The following FAT3 variants were observed in gnomAD, a reference collection of about 807,000 sequenced individuals.
FAT3 encodes the protein protocadherin Fat 3.
A neutral mutation model predicts 310.2 loss-of-function variants in FAT3; 95 were observed. The observed-to-expected ratio is 0.31, with a 90% CI of 0.26 to 0.36. The LOEUF (loss-of-function observed/expected upper bound fraction) is 0.36, where lower values mean the gene tolerates loss of function less well. FAT3 is among the 10% of genes least tolerant of loss of function. FAT3 has a pLI of 1.00. For synonymous variants in FAT3, 2,314 were observed against 2,192.9 expected (o/e 1.06, Z -1.54); for missense variants, 5,408 against 5,715.6 (o/e 0.95, Z 1.74).
intron 4 of FAT3, among the ~76,000 whole-genome samples, chr11:92,731,806 G>A (rs1206862756): frequency 6.6e-6 from 1 of 151,954 alleles, no homozygotes; most frequent in Non-Finnish European, 1.5e-5. Flanking sequence ...AAGTTTGTTT[G>A]TTTGCTTGGT....
intron 2 of FAT3, among the ~76,000 whole-genome samples, chr11:92,513,150 C>T: frequency 6.8e-6 from 1 of 148,120 alleles, no homozygotes; most frequent in South Asian, 2.2e-4. Flanking sequence ...TTATCTCCAC[C>T]CACAATTTCT....
rs144118246 is a variant in FAT3, at chr11:92,633,936, G to A, written c.3608-63448G>A. ...CTCTATGTACTGAGAACTGTGCTAAGTGCTGTGGATACAGATATTAAATGA... is the reference window on the plus strand; with the variant it reads ...CTCTATGTACTGAGAACTGTGCTAAATGCTGTGGATACAGATATTAAATGA... On this transcript the variant is annotated intron_variant, in intron 3 of 27. Transcript: ENST00000525166. Among the ~76,000 whole-genome samples the A allele has an allele frequency of 2.5e-3, 376 of 152,302 alleles. 4 individuals carry two copies. Among genetic ancestry groups the A allele is most frequent in the African/African-American group, 8.6e-3 (356 of 41,558 alleles).
chr11:92,619,290 T>G (rs1222359968), intron 3 of FAT3, among the ~76,000 whole-genome samples: 2 of 152,204 alleles, frequency 1.3e-5, no homozygotes, highest in Non-Finnish European at 2.9e-5. Context: ...ATATAACTTT[T>G]GCATATATAT....
chr11:92,345,130 A>G (rs186772187), intron 1 of FAT3, among the ~76,000 whole-genome samples: 280 of 152,182 alleles, frequency 1.8e-3, no homozygotes, highest in African/African-American at 6.3e-3. Flanking sequence ...CAGGGTCTCT[A>G]TGTTTTATGA....
At chr11:92,226,709 G>T (rs544884648) in intron 1 of FAT3, among the ~76,000 whole-genome samples, 30 of 152,088 alleles carry the variant, frequency 2.0e-4, no homozygotes, top group Admixed American at 2.0e-3. Flanking sequence ...GAGCGTGGGC[G>T]GCCGGTGGCT....
intron 1 of FAT3, among the ~76,000 whole-genome samples, chr11:92,235,072 C>CAA (rs757114482): frequency 2.3e-5 from 3 of 127,708 alleles, no homozygotes; most frequent in Admixed American, 8.1e-5. Flanking sequence ...CTCCATCTCT[C>CAA]AAAAAAAAAA....
chr11:92,313,780 G>C (rs1312763008), intron 1 of FAT3, among the ~76,000 whole-genome samples: 2 of 152,180 alleles, frequency 1.3e-5, no homozygotes, highest in Non-Finnish European at 2.9e-5. Context: ...GGCCGGTCTT[G>C]AACTCCTGAC....
At chr11:92,451,658 T>C (rs1341675903) in intron 2 of FAT3, among the ~76,000 whole-genome samples, 1 of 152,180 alleles carries the variant, frequency 6.6e-6, no homozygotes, top group Non-Finnish European at 1.5e-5. Context: ...AATTTAGTAA[T>C]GCACATTCCC....
At chr11:92,452,595 C>A (rs1951388948) in intron 2 of FAT3, among the ~76,000 whole-genome samples, 4 of 151,988 alleles carry the variant, frequency 2.6e-5, no homozygotes, top group Admixed American at 2.6e-4. Flanking sequence ...GGACCACATA[C>A]CCTATAGGGA....
At chr11:92,740,225 T>C (rs906888171) in intron 4 of FAT3, among the ~76,000 whole-genome samples, 1 of 152,222 alleles carries the variant, frequency 6.6e-6, no homozygotes, top group African/African-American at 2.4e-5. Flanking sequence ...AGTCTTTCTT[T>C]TGAAATGCCT....
At chr11:92,878,153 CA>C (rs1272655536) in intron 22 of FAT3, among the ~76,000 whole-genome samples, 1 of 152,146 alleles carries the variant, frequency 6.6e-6, no homozygotes, top group East Asian at 1.9e-4. Context: ...GTTGATTTTG[CA>C]GTCTTGAATT....
At chr11:92,303,601 TAGA>T (rs1441555065) in intron 1 of FAT3, among the ~76,000 whole-genome samples, 8 of 152,168 alleles carry the variant, frequency 5.3e-5, no homozygotes, top group Non-Finnish European at 1.2e-4. Context: ...TTCTTGAGTC[TAGA>T]AGGTCTTTGA....
At chr11:92,658,933 T>TCAC in intron 3 of FAT3, among the ~76,000 whole-genome samples, 1 of 151,692 alleles carries the variant, frequency 6.6e-6, no homozygotes, top group Admixed American at 6.6e-5. Context: ...ATCATCATCA[T>TCAC]CATCATCATC....
At chr11:92,235,070 C>T (rs1432068807) in intron 1 of FAT3, among the ~76,000 whole-genome samples, 1 of 148,950 alleles carries the variant, frequency 6.7e-6, no homozygotes, top group Non-Finnish European at 1.5e-5. Context: ...GACTCCATCT[C>T]TCAAAAAAAA....
At chr11:92,672,194 C>G (rs969452992) in intron 3 of FAT3, among the ~76,000 whole-genome samples, 2 of 152,052 alleles carry the variant, frequency 1.3e-5, no homozygotes, top group South Asian at 2.1e-4. Context: ...GCTAACCAAA[C>G]AGAAAAAAAT....
chr11:92,229,355 G>GTAAATAAT (rs1185986573), intron 1 of FAT3, among the ~76,000 whole-genome samples: 1 of 151,908 alleles, frequency 6.6e-6, no homozygotes, highest in African/African-American at 2.4e-5. Flanking sequence ...GACTCAGAGA[G>GTAAATAAT]TAAATATCTT....
chr11:92,503,713 T>C (rs1038033962), intron 2 of FAT3, among the ~76,000 whole-genome samples: 1 of 151,894 alleles, frequency 6.6e-6, no homozygotes, highest in Non-Finnish European at 1.5e-5. Flanking sequence ...ATTTTTTTCA[T>C]TTTACTAAAA....
chr11:92,353,165 A>T lies in FAT3; in HGVS notation c.1053A>T (p.Gly351=). ...TCACTCTTCAAGCAAAAGACAAGGG[A>T]TCTCCTCAAAAATGTTCAGCATTAA... ...YNLTLQAKDK[G]SPQKCSALKA... Residue 351 remains glycine, a synonymous_variant, in exon 2 of 28, where the codon GGA becomes GGT. Transcript: ENST00000525166. The T allele has an allele frequency of 6.2e-7, 1 of 1,613,640 alleles. No individual in the cohort carries two copies. The highest frequency in any genetic ancestry group is 8.5e-7 in the Non-Finnish European group (1 of 1,179,846).
chr11:92,432,371 A>C (rs1414149929), intron 2 of FAT3, among the ~76,000 whole-genome samples: 2 of 152,204 alleles, frequency 1.3e-5, no homozygotes, highest in African/African-American at 4.8e-5. Context: ...GAAGTTGCCT[A>C]TCAGCTTAAG....
Sources: allele counts gnomAD v4.1 joint callset (sites outside exome capture counted in the v4.1 genomes callset), GRCh38; gene constraint gnomAD v4.1.1; transcripts MANE v1.5; gene names NCBI Gene and HGNC (gene_info 2026-07-23, HGNC 2026-07-21).